The following RNF14 variants were observed in gnomAD, a reference collection of about 807,000 sequenced individuals.
RNF14 encodes ring finger protein 14, also known as E3 ubiquitin-protein ligase RNF14.
Under a neutral mutation model 52.6 loss-of-function variants are expected in RNF14, and 26 were observed. The ratio of observed to expected loss-of-function variants is 0.49; its 90% CI spans 0.36 to 0.69. The LOEUF is 0.69. Ranked by LOEUF, RNF14 falls within the 30% of genes least tolerant of loss-of-function variation. The probability of loss-of-function intolerance (pLI) is 0.00; values close to 1 mark genes in which losing one functional copy is unlikely to be tolerated. For missense variants in RNF14, 404 were observed against 560.4 expected (o/e 0.72, Z 2.82); for synonymous variants, 194 against 202.0 (o/e 0.96, Z 0.34).
chr5:141,976,499 GT>G (rs1252683949), intron 4 of RNF14, among the ~76,000 whole-genome samples: 3 of 152,106 alleles, frequency 2.0e-5, no homozygotes, highest in Non-Finnish European at 4.4e-5. Context: ...TCAAATAAAT[GT>G]TTATGCATAT....
upstream of RNF14, chr5:141,956,452 A>G (rs751542381): frequency 1.9e-6 from 3 of 1,614,106 alleles, no homozygotes; most frequent in South Asian, 2.2e-5. Flanking sequence ...CCGCGTGGAG[A>G]CTTCATACCT....
chr5:141,980,108 T>C lies in RNF14; in HGVS notation c.835-15T>C. On this transcript the variant is annotated splice_polypyrimidine_tract_variant and intron_variant, in intron 5 of 8. Transcript: ENST00000394520. ...TGGAATCATCAAACCTATGGTGTTT[T>C]GTATTTCCCTCCAGGTCAAAGAGTT... 1 of 1,607,890 alleles carries C rather than the reference T, an allele frequency of 6.2e-7. No individual in the cohort carries two copies. The highest frequency in any genetic ancestry group is 1.1e-5 in the South Asian group (1 of 90,956).
intron 1 of RNF14, among the ~76,000 whole-genome samples, chr5:141,961,205 GGT>G (rs140523691): frequency 6.6e-5 from 10 of 151,002 alleles, no homozygotes; most frequent in African/African-American, 1.5e-4. Flanking sequence ...ATATCTGTTG[GGT>G]GTGTGTGTGT....
chr5:141,965,884 G>T (rs759168641), upstream of RNF14, among the ~76,000 whole-genome samples: 1 of 151,346 alleles, frequency 6.6e-6, no homozygotes, highest in East Asian at 1.9e-4. Context: ...TTAATATTTC[G>T]TCACTGGGTG....
At chr5:141,963,774 C>T (rs922603065), upstream of RNF14, among the ~76,000 whole-genome samples, 3 of 152,160 alleles carry the variant, frequency 2.0e-5, no homozygotes, top group African/African-American at 4.8e-5. Flanking sequence ...AGAATCTAAT[C>T]GGCCTAATTC....
intron 6 of RNF14, among the ~76,000 whole-genome samples, chr5:141,982,934 C>T (rs1754909192): frequency 6.6e-6 from 1 of 152,114 alleles, no homozygotes; most frequent in African/African-American, 2.4e-5. Context: ...CATAAACATA[C>T]CAACATTAAG....
chr5:141,971,636 C>CT (rs58804572), intron 2 of RNF14, among the ~76,000 whole-genome samples: 6,021 of 116,698 alleles, frequency 0.052, 639 homozygotes, highest in African/African-American at 0.081. Context: ...TCTTTCTTTC[C>CT]TTTTTTTTTT....
rs1023737231 is a variant in RNF14 at position 141,988,553 on chromosome 5, A to C, written c.*763A>C. 10 of 152,334 alleles carry C rather than the reference A, an allele frequency of 6.6e-5. No individual in the cohort carries two copies. The highest frequency in any genetic ancestry group is 2.4e-4 in the African/African-American group (10 of 41,440). The allele number at this position is 152,334 out of a possible 1,614,324, so 9.4% of individuals were successfully genotyped here. A position where few individuals can be genotyped will look rare whatever the true frequency, so the allele number is the denominator to read the frequency against. ...TCCTGGGTGTTAGAACCTAGATTCA[A>C]AATGGCTTGTCTTTGCTACTTTTGT... On this transcript the variant is annotated 3_prime_UTR_variant, in exon 9 of 9. Transcript: ENST00000394520.
chr5:141,963,064 C>T (rs541512314), upstream of RNF14: 4 of 152,392 alleles, frequency 2.6e-5, no homozygotes, highest in Admixed American at 2.0e-4. Context: ...ATGTGTGTCA[C>T]TATTCATTAT....
rs1213139430 is a variant in RNF14 at position 141,988,239 on chromosome 5, T to C, written c.*449T>C. 1 of 155,668 alleles carries C rather than the reference T, an allele frequency of 6.4e-6. No homozygotes were observed. The highest frequency in any genetic ancestry group is 1.4e-5 in the Non-Finnish European group (1 of 70,158). 9.6% of individuals were successfully genotyped at this position (155,668 alleles called of 1,614,324 possible). On this transcript the variant is annotated 3_prime_UTR_variant, in exon 9 of 9. Transcript: ENST00000394520. Reference sequence around the variant, plus strand: ...GGTAGAAGCCTTATGAAAATTATACTGAGAACCTGATCTCGTTTACTCCAT... The same window carrying C: ...GGTAGAAGCCTTATGAAAATTATACCGAGAACCTGATCTCGTTTACTCCAT...
chr5:141,957,783 A>G (rs565683673), upstream of RNF14: 8 of 1,608,130 alleles, frequency 5.0e-6, no homozygotes, highest in East Asian at 1.6e-4. The surrounding 1 kb of genome is among the most constrained non-coding windows in gnomAD (Gnocchi z 4.3). Context: ...CCTCCTGACA[A>G]TCCCCTAAAA....
upstream of RNF14, chr5:141,963,125 A>G (rs1448938320): frequency 2.0e-5 from 3 of 152,354 alleles, no homozygotes; most frequent in Non-Finnish European, 4.4e-5. Context: ...AGACTCCTCT[A>G]TCTGCCTCTC....
chr5:141,978,879 T>C lies in RNF14; in HGVS notation c.834+49T>C, dbSNP rs747261225. 3.8e-6 allele frequency: 6 copies of C among 1,578,816 alleles called. No homozygotes were observed. The South Asian group carries it at 5.7e-5, about 15-fold the overall frequency. The stretch of plus-strand genomic sequence containing the variant: ...TTGCCTCCTAATTCTCTTCCATAAA[T>C]GGAGATATCATCTCAGGAACTTCCT... On this transcript the variant is annotated intron_variant, in intron 5 of 8. Transcript: ENST00000394520.
chr5:141,959,049 T>TCCTCCCGCTTCCCTTCTGCCCC, intron 1 of RNF14: 1 of 152,512 alleles, frequency 6.6e-6, no homozygotes, highest in Non-Finnish European at 1.5e-5. Flanking sequence ...CGTGTGGCTC[T>TCCTCCCGCTTCCCTTCTGCCCC]CCTCCCGCTT....
At chr5:141,954,316 G>A (rs1478427622), upstream of RNF14, among the ~76,000 whole-genome samples, 1 of 152,220 alleles carries the variant, frequency 6.6e-6, no homozygotes, top group Non-Finnish European at 1.5e-5. Context: ...GTGCAATGAT[G>A]CCTATGCTGG....
chr5:141,967,808 G>A (rs1019841866), upstream of RNF14, among the ~76,000 whole-genome samples: 2 of 152,212 alleles, frequency 1.3e-5, no homozygotes, highest in Admixed American at 6.5e-5. Context: ...TGAGAACGGT[G>A]CTTTGTACCT....
intron 1 of RNF14, among the ~76,000 whole-genome samples, chr5:141,960,734 G>A (rs1753267967): frequency 6.6e-6 from 1 of 152,230 alleles, no homozygotes. Context: ...AAGATGCTGA[G>A]CACACAGCGT....
At chr5:141,985,277 A>G (rs1235506664) in intron 8 of RNF14, among the ~76,000 whole-genome samples, 2 of 152,224 alleles carry the variant, frequency 1.3e-5, no homozygotes, top group African/African-American at 4.8e-5. Context: ...TGGAGTTATG[A>G]TAATGCTTCA....
intron 8 of RNF14, among the ~76,000 whole-genome samples, chr5:141,987,359 T>C (rs574477613): frequency 2.2e-4 from 34 of 152,354 alleles, no homozygotes; most frequent in African/African-American, 7.7e-4. Flanking sequence ...AGAGGCAGCA[T>C]TGATGGTCAA....
Sources: gnomAD v4.1 joint callset for allele counts (sites outside exome capture counted in the v4.1 genomes callset) on GRCh38, gnomAD v4.1.1 for gene constraint, Gnocchi (gnomAD v3.1) non-coding constraint, MANE v1.5 for transcripts, NCBI Gene and HGNC (gene_info 2026-07-23, HGNC 2026-07-21) for gene names.